Variants in PTPRG observed in about 807,000 individuals in gnomAD.
PTPRG encodes the protein protein tyrosine phosphatase receptor type G, also known as receptor-type tyrosine-protein phosphatase gamma.
In PTPRG, 102 loss-of-function variants were observed where a neutral mutation model predicts 165.3. That is an observed-to-expected ratio of 0.62 (90% CI 0.53 to 0.73). The LOEUF (loss-of-function observed/expected upper bound fraction) is 0.73. Among genes scored for constraint, PTPRG ranks in the 30% least tolerant of loss-of-function variants. The pLI, the probability that PTPRG is intolerant of heterozygous loss-of-function variation, is 0.00. For missense variants in PTPRG, 1,866 were observed against 1,861.4 expected (o/e 1.00, Z -0.05); for synonymous variants, 675 against 669.5 (o/e 1.01, Z -0.13).
In PTPRG at chr3:61,791,384, G is replaced by C. The variant is rs139296241; in HGVS notation, c.190+42402G>C. 7.9e-5 allele frequency among the ~76,000 whole-genome samples: 12 copies of C among 152,364 alleles called. No individual in the cohort carries two copies. In the East Asian group the frequency reaches 2.3e-3, roughly 29 times the overall value. On this transcript the variant is annotated intron_variant, in intron 2 of 29. Coordinates refer to ENST00000474889, the MANE Select transcript of PTPRG (RefSeq NM_002841.4). ...CCAGCCTTTGAGTCAAACTTACCAA[G>C]TGACTTTAGGAACCAAAATGATTCT... is the stretch of plus-strand genomic sequence containing the variant.
At position 62,084,601 on chromosome 3, in the gene PTPRG, G is replaced by T. The variant is rs1194911051; in HGVS notation, c.615+6343G>T. ...GAGAGGCTTAGTAATTAAATGAATT[G>T]CAGCACCTGGGATTATTTATAGACA... is the stretch of plus-strand genomic sequence containing the variant. On this transcript the variant is annotated intron_variant, in intron 5 of 29. Coordinates refer to ENST00000474889, the MANE Select transcript of PTPRG (RefSeq NM_002841.4). Among the ~76,000 whole-genome samples, 6 of 152,274 alleles carry T rather than the reference G, an allele frequency of 3.9e-5. No individual in the cohort carries two copies. The East Asian group carries it at 1.2e-3, about 29-fold the overall frequency.
Position 61,850,064 on chromosome 3 carries a change from G to A in PTPRG, c.190+101082G>A, listed in dbSNP as rs558979215. The stretch of plus-strand genomic sequence containing the variant: ...TCCCCTTCTTCTCAAATAAAAGCTA[G>A]CACTAGTTTTGTGCATATACTACTA... On this transcript the variant is annotated intron_variant, in intron 2 of 29. Transcript: ENST00000474889. Among the ~76,000 whole-genome samples the A allele has an allele frequency of 7.9e-5, 12 of 152,142 alleles. No individual in the cohort carries two copies. In the East Asian group the frequency reaches 1.5e-3, roughly 20 times the overall value.
intron 1 of PTPRG, among the ~76,000 whole-genome samples, chr3:61,597,618 T>C (rs1433732355): frequency 6.6e-6 from 1 of 152,220 alleles, no homozygotes; most frequent in African/African-American, 2.4e-5. Context: ...TTTTAGGTCA[T>C]TGTCCTGAAC....
At chr3:62,261,376 G>T (rs940969262) in intron 16 of PTPRG, among the ~76,000 whole-genome samples, 5 of 152,198 alleles carry the variant, frequency 3.3e-5, no homozygotes, top group African/African-American at 1.2e-4. Flanking sequence ...CATTGCTCAT[G>T]TTCTTACGTA....
chr3:61,678,038 T>C (rs1475159398), intron 1 of PTPRG, among the ~76,000 whole-genome samples: 2 of 152,170 alleles, frequency 1.3e-5, no homozygotes, highest in African/African-American at 4.8e-5. Flanking sequence ...GGCAGAGTCC[T>C]GATGTTGGGC....
intron 2 of PTPRG, among the ~76,000 whole-genome samples, chr3:61,969,554 G>T (rs6788117): frequency 0.24 from 36,602 of 152,020 alleles, 5,040 homozygotes; most frequent in African/African-American, 0.37. Context: ...AAGGGCAAGA[G>T]GGATAGTAGA....
chr3:62,292,652 C>T (rs1489692382), intron 29 of PTPRG, 96 bp downstream of exon 29: 3 of 1,428,358 alleles, frequency 2.1e-6, no homozygotes, highest in African/African-American at 2.9e-5. Context: ...GTGATTTTGC[C>T]CCCCAGGGGA....
intron 2 of PTPRG, among the ~76,000 whole-genome samples, chr3:61,829,727 T>A (rs2036218280): frequency 6.6e-6 from 1 of 152,216 alleles, no homozygotes; most frequent in Non-Finnish European, 1.5e-5. Context: ...TGACACAGCT[T>A]CCTTTTGGTT....
chr3:62,286,572 C>CCCT, intron 28 of PTPRG, among the ~76,000 whole-genome samples: 1 of 136,384 alleles, frequency 7.3e-6, no homozygotes, highest in Non-Finnish European at 1.6e-5. Flanking sequence ...TAAAAAAAAA[C>CCCT]ATTACTGTAC....
At chr3:61,777,718 A>C (rs1291264488) in intron 2 of PTPRG, among the ~76,000 whole-genome samples, 2 of 152,218 alleles carry the variant, frequency 1.3e-5, no homozygotes, top group African/African-American at 4.8e-5. Flanking sequence ...CAGGAGGATT[A>C]CGTGACAAGA....
At chr3:61,743,247 C>G in intron 1 of PTPRG, 1 of 659,162 alleles carries the variant, frequency 1.5e-6, no homozygotes, top group Non-Finnish European at 2.7e-6. Flanking sequence ...ATGAAAATAC[C>G]TGTCACTCAT....
At chr3:61,604,882 T>C (rs979107361) in intron 1 of PTPRG, among the ~76,000 whole-genome samples, 1 of 152,118 alleles carries the variant, frequency 6.6e-6, no homozygotes, top group African/African-American at 2.4e-5. Context: ...CTGATATATA[T>C]TACCTGATTT....
rs143873258 is a variant in PTPRG, at chr3:62,144,624, A to G, written c.682+11956A>G. On this transcript the variant is annotated intron_variant, in intron 6 of 29. Coordinates refer to ENST00000474889, the MANE Select transcript of PTPRG (RefSeq NM_002841.4). ...GATCTTGGCTAATTGGCTCACATCT[A>G]TTAAGGATCCAGGAAGGACTGATGC... is the stretch of plus-strand genomic sequence containing the variant. Among the ~76,000 whole-genome samples, 965 of 152,288 alleles carry G rather than the reference A, an allele frequency of 6.3e-3. 10 individuals carry two copies. The highest frequency in any genetic ancestry group is 0.022 in the African/African-American group (926 of 41,562).
In PTPRG at chr3:62,195,084, C is replaced by G. The variant is rs201240036; in HGVS notation, c.1241C>G (p.Ser414Ter). The change falls in exon 10 of 30, where the codon TCA becomes TGA. Residue 414 changes from serine (S) to a stop codon, truncating the protein, a stop_gained. Coordinates refer to ENST00000474889, the MANE Select transcript of PTPRG (RefSeq NM_002841.4). LOFTEE classifies it high-confidence loss of function. This position sits in a 1 kb window ranked among gnomAD's most constrained non-coding sequence, Gnocchi z 4.4. ...CAGAAAGCCACCATTAGCCATGTCT[C>G]ACCCGATAGCCTTTACCTGTTCCGA... is the stretch of plus-strand genomic sequence containing the variant. Reference protein sequence around the residue: ...KDLKATISHVSPDSLYLFRVQ... With the variant: ...KDLKATISHV 1 of 1,614,232 alleles carries G rather than the reference C, an allele frequency of 6.2e-7. No homozygotes were observed. Among genetic ancestry groups the G allele is most frequent in the Non-Finnish European group, 8.5e-7 (1 of 1,180,028 alleles).
At chr3:61,862,050 G>A (rs545493650) in intron 2 of PTPRG, among the ~76,000 whole-genome samples, 23 of 152,218 alleles carry the variant, frequency 1.5e-4, no homozygotes, top group African/African-American at 3.6e-4. Flanking sequence ...GGCCTGTTAG[G>A]AACTGGGCTG....
At chr3:62,009,992 A>G (rs1183913595) in intron 4 of PTPRG, among the ~76,000 whole-genome samples, 2 of 152,138 alleles carry the variant, frequency 1.3e-5, no homozygotes, top group African/African-American at 4.8e-5. Context: ...ATCACAGCTC[A>G]CTGCAGCCTC....
At chr3:62,147,116 G>T (rs1704151257) in intron 6 of PTPRG, among the ~76,000 whole-genome samples, 1 of 152,190 alleles carries the variant, frequency 6.6e-6, no homozygotes, top group South Asian at 2.1e-4. Context: ...TCACTAGGAT[G>T]TTGATTCCTA....
chr3:62,148,456 T>C (rs1704203570), intron 6 of PTPRG, among the ~76,000 whole-genome samples: 1 of 151,940 alleles, frequency 6.6e-6, no homozygotes, highest in Non-Finnish European at 1.5e-5. Flanking sequence ...AGGATTAGTT[T>C]TACATTTAAA....
At chr3:61,935,746 A>T in intron 2 of PTPRG, among the ~76,000 whole-genome samples, 1 of 151,518 alleles carries the variant, frequency 6.6e-6, no homozygotes, top group African/African-American at 2.4e-5. Context: ...TCCCAAATCC[A>T]AGAAGTCATC....
Sources: gnomAD v4.1 joint callset for allele counts (sites outside exome capture counted in the v4.1 genomes callset) on GRCh38, gnomAD v4.1.1 for gene constraint, Gnocchi (gnomAD v3.1) non-coding constraint, MANE v1.5 for transcripts, NCBI Gene and HGNC (gene_info 2026-07-23, HGNC 2026-07-21) for gene names.